Variants in FMO5 observed in about 807,000 individuals in gnomAD.
The protein encoded by FMO5 is flavin containing dimethylaniline monoxygenase 5, also known as flavin-containing monooxygenase 5.
Under a neutral mutation model 43.6 loss-of-function variants are expected in FMO5, and 51 were observed. The ratio of observed to expected loss-of-function variants is 1.17; its 90% CI spans 0.93 to 1.48. The LOEUF (loss-of-function observed/expected upper bound fraction) is 1.48, where lower values mean the gene tolerates loss of function less well. Ranked by LOEUF, FMO5 falls within the 40% of genes most tolerant of loss-of-function variation. FMO5 has a pLI of 0.00. For synonymous variants in FMO5, 187 were observed against 216.5 expected, an observed-to-expected ratio of 0.86 and a Z score of 1.20; for missense variants, 644 against 643.0, an observed-to-expected ratio of 1.00 and a Z score of -0.02.
intron 6 of FMO5, chr1:147,208,317 G>A (rs936033238): frequency 2.6e-5 from 4 of 152,312 alleles, no homozygotes; most frequent in African/African-American, 9.7e-5. Flanking sequence ...AATGAGAAAA[G>A]GGTTACTGCC....
rs1160444538 is a variant in FMO5 at position 147,187,220 on chromosome 1, T to G, written c.1282A>C (p.Ile428Leu). Residue 428 changes from isoleucine to leucine, a missense_variant, in exon 9 of 9, where the codon ATT becomes CTT. Ile to Leu is a conservative substitution (Grantham distance 5, BLOSUM62 2). Transcript: ENST00000254090. ...KRYVESQRHT[I>L]QGDYIDTMEE... ...ATGGTATCTATGTAGTCTCCCTGAA[T>G]GGTATGGCGTTGGCTCTCCACATAC... 5 of 1,611,952 alleles carry G rather than the reference T, an allele frequency of 3.1e-6. No homozygotes were observed. In the Admixed American group the frequency reaches 8.4e-5, roughly 27 times the overall value.
chr1:147,204,359 GA>G, intron 6 of FMO5: 1 of 1,037,642 alleles, frequency 9.6e-7, no homozygotes, highest in Non-Finnish European at 1.5e-6. Flanking sequence ...CCAGAATCAG[GA>G]AAAATAGATA....
chr1:147,185,153 G>A (rs1553916788), downstream of FMO5, among the ~76,000 whole-genome samples: 1 of 148,308 alleles, frequency 6.7e-6, no homozygotes, highest in Non-Finnish European at 1.5e-5. Context: ...GCTTGGTTGA[G>A]CTAAAAAATC....
At chr1:147,207,163 A>G (rs1001503333) in intron 6 of FMO5, among the ~76,000 whole-genome samples, 3 of 152,116 alleles carry the variant, frequency 2.0e-5, no homozygotes, top group African/African-American at 7.2e-5. Flanking sequence ...CCTTTTTCTT[A>G]TACAATATAC....
chr1:147,210,996 A>G lies in FMO5; in HGVS notation c.630+1397T>C, dbSNP rs953659714. On this transcript the variant is annotated intron_variant, in intron 5 of 8. Transcript: ENST00000254090. ...TAGGTCCATTTAAAGTTTTTGATTT[A>G]TAAACAAATCATCATGAATACAATT... 11 of 152,352 alleles carry G rather than the reference A, an allele frequency of 7.2e-5. No homozygotes were observed. The South Asian group carries it at 2.3e-3, about 32-fold the overall frequency. The allele number at this position is 152,352 out of a possible 1,614,324, so 9.4% of individuals were successfully genotyped here.
intron 7 of FMO5, among the ~76,000 whole-genome samples, chr1:147,192,010 A>G (rs1449050799): frequency 2.0e-5 from 3 of 152,088 alleles, no homozygotes; most frequent in Non-Finnish European, 4.4e-5. Flanking sequence ...TTTTGGTTCC[A>G]TATGAACTTT....
At position 147,193,752 on chromosome 1, in the gene FMO5, G is replaced by A. The variant is rs375808370; in HGVS notation, c.1184-3503C>T. ...AAAGAACATCTTTATTTCTGCTTTC[G>A]TTTCGTTATGTACCCAGTAGTCATT... On this transcript the variant is annotated intron_variant, in intron 7 of 8. Transcript: ENST00000254090. 5.3e-4 allele frequency among the ~76,000 whole-genome samples: 80 copies of A among 152,038 alleles called. 1 individual carries two copies. In the East Asian group the frequency reaches 0.012, roughly 24 times the overall value.
intron 7 of FMO5, among the ~76,000 whole-genome samples, chr1:147,193,233 C>T (rs149239367): frequency 0.012 from 1,784 of 152,164 alleles, 15 homozygotes; most frequent in African/African-American, 0.021. Flanking sequence ...CTGGTTTAGT[C>T]TTGGGAGGGT....
chr1:147,221,752 C>T (rs1433686862), intron 2 of FMO5, among the ~76,000 whole-genome samples: 1 of 152,172 alleles, frequency 6.6e-6, no homozygotes, highest in Non-Finnish European at 1.5e-5. Flanking sequence ...ACAGATCTCA[C>T]CTCTTTGAGG....
chr1:147,192,814 T>C (rs1657138863), intron 7 of FMO5, among the ~76,000 whole-genome samples: 1 of 152,154 alleles, frequency 6.6e-6, no homozygotes, highest in Non-Finnish European at 1.5e-5. Flanking sequence ...TGGATTACAT[T>C]TATTGATTTG....
intron 3 of FMO5, 142 bp from the exon 4 acceptor site, chr1:147,213,612 G>T (rs901051543): frequency 8.9e-6 from 6 of 672,612 alleles, no homozygotes; most frequent in Non-Finnish European, 1.4e-5. Context: ...CCACAAATAA[G>T]AACTGTTTGG....
At chr1:147,194,083 A>T (rs1297330941) in intron 7 of FMO5, among the ~76,000 whole-genome samples, 1 of 152,080 alleles carries the variant, frequency 6.6e-6, no homozygotes, top group Non-Finnish European at 1.5e-5. Flanking sequence ...TGTCTCGTTG[A>T]TCTGTCTAAT....
intron 6 of FMO5, among the ~76,000 whole-genome samples, chr1:147,207,257 A>G (rs587718518): frequency 2.0e-5 from 3 of 152,278 alleles, no homozygotes; most frequent in South Asian, 4.1e-4. Flanking sequence ...TATGCTCTAT[A>G]TGTATGGACC....
chr1:147,213,431 T>C lies in FMO5; in HGVS notation c.364A>G (p.Thr122Ala), dbSNP rs781849588. Residue 122 changes from threonine (T) to alanine (A), a missense_variant, in exon 4 of 9, where the codon ACT becomes GCT. Physicochemically the swap from Thr to Ala is moderately conservative, Grantham distance 58. Transcript: ENST00000254090. ...GTGACCACTTCCCATTGGCCTGAAG[T>C]GGCAAAATCAGGCTGCTTCTTCACA... ...CSVKKQPDFA[T>A]SGQWEVVTES... The C allele has an allele frequency of 1.2e-6, 2 of 1,612,648 alleles. No individual in the cohort carries two copies. The highest frequency in any genetic ancestry group is 1.7e-6 in the Non-Finnish European group (2 of 1,179,260).
intron 7 of FMO5, among the ~76,000 whole-genome samples, chr1:147,194,307 T>G (rs1553919232): frequency 6.6e-6 from 1 of 152,186 alleles, no homozygotes; most frequent in African/African-American, 2.4e-5. Flanking sequence ...AAAGTCTGTT[T>G]TATCAGAGAC....
At chr1:147,225,228 G>A in intron 1 of FMO5, 59 bp downstream of exon 1, 8 of 1,391,502 alleles carry the variant, frequency 5.7e-6, no homozygotes, top group Non-Finnish European at 7.5e-6. Flanking sequence ...TGGCATGGGG[G>A]AGCCCTGCGC....
chr1:147,194,701 T>C (rs1443669192), intron 7 of FMO5, among the ~76,000 whole-genome samples: 1 of 152,062 alleles, frequency 6.6e-6, no homozygotes, highest in African/African-American at 2.4e-5. Context: ...AGAGCAGGCC[T>C]GGTGGTCACA....
intron 2 of FMO5, among the ~76,000 whole-genome samples, chr1:147,216,209 C>G (rs1661965046): frequency 6.6e-6 from 1 of 152,174 alleles, no homozygotes; most frequent in Non-Finnish European, 1.5e-5. Context: ...GCCTGGGTCT[C>G]AGAAAGCTCG....
chr1:147,215,692 C>T (rs1661860180), intron 3 of FMO5, 62 bp downstream of exon 3: 1 of 1,242,488 alleles, frequency 8.0e-7, no homozygotes, highest in Middle Eastern at 1.9e-4. Flanking sequence ...GTAACTGAAA[C>T]CACGTTATTC....
Sources: allele counts gnomAD v4.1 joint callset (sites outside exome capture counted in the v4.1 genomes callset), GRCh38; gene constraint gnomAD v4.1.1; transcripts MANE v1.5; gene names NCBI Gene and HGNC (gene_info 2026-07-23, HGNC 2026-07-21).